Variants in LRP1B observed in about 807,000 individuals in gnomAD.
LRP1B encodes the protein low-density lipoprotein receptor-related protein 1B.
In LRP1B, 217 loss-of-function variants were observed where a neutral mutation model predicts 556.6. The ratio of observed to expected loss-of-function variants is 0.39; its 90% CI spans 0.35 to 0.44. The LOEUF (loss-of-function observed/expected upper bound fraction) is 0.44, where lower values mean the gene tolerates loss of function less well. Ranked by LOEUF, LRP1B falls within the 20% of genes least tolerant of loss-of-function variation. The pLI, the probability that LRP1B is intolerant of heterozygous loss-of-function variation, is 1.00. For missense variants in LRP1B, 5,053 were observed against 5,620.8 expected (o/e 0.90, Z 3.23); for synonymous variants, 2,047 against 1,865.8 (o/e 1.10, Z -2.50).
chr2:141,729,975 A>G (rs1693209849), intron 2 of LRP1B, among the ~76,000 whole-genome samples: 1 of 152,154 alleles, frequency 6.6e-6, no homozygotes, highest in South Asian at 2.1e-4. Context: ...GAGAGTGTGC[A>G]TTAAATCAAA....
intron 80 of LRP1B, 40 bp downstream of exon 80, chr2:140,325,722 C>G (rs1573794594): frequency 7.6e-7 from 1 of 1,318,564 alleles, no homozygotes; most frequent in Middle Eastern, 1.8e-4. Context: ...TTAACACTCT[C>G]AGTAACAATT....
At chr2:141,641,096 T>A (rs1689313973) in intron 2 of LRP1B, among the ~76,000 whole-genome samples, 1 of 152,204 alleles carries the variant, frequency 6.6e-6, no homozygotes, top group African/African-American at 2.4e-5. Context: ...CTATTCCTCA[T>A]TAATTTTCAA....
At chr2:140,872,367 T>C (rs1314907232) in intron 25 of LRP1B, among the ~76,000 whole-genome samples, 1 of 140,640 alleles carries the variant, frequency 7.1e-6, no homozygotes, top group Non-Finnish European at 1.5e-5. Context: ...CTGATTTTTT[T>C]TTTTTTTTTT....
chr2:141,170,222 G>A (rs192785809), intron 7 of LRP1B, among the ~76,000 whole-genome samples: 5 of 152,202 alleles, frequency 3.3e-5, no homozygotes, highest in African/African-American at 1.2e-4. Flanking sequence ...TTGTGCGAGA[G>A]AGTCAGCTAG....
chr2:141,330,747 CTTTTTTTTTT>C (rs530844983), intron 3 of LRP1B, among the ~76,000 whole-genome samples: 1 of 107,860 alleles, frequency 9.3e-6, no homozygotes, highest in Non-Finnish European at 1.9e-5. Flanking sequence ...GGCTAACAAA[CTTTTTTTTTT>C]TTTTTTTTTT....
chr2:141,676,168 T>G (rs1261211184), intron 2 of LRP1B, among the ~76,000 whole-genome samples: 1 of 152,124 alleles, frequency 6.6e-6, no homozygotes, highest in East Asian at 1.9e-4. Flanking sequence ...AATGTGATAT[T>G]ATATTATTCA....
At chr2:141,202,704 G>A (rs745423069) in intron 6 of LRP1B, among the ~76,000 whole-genome samples, 73 of 151,602 alleles carry the variant, frequency 4.8e-4, no homozygotes, top group South Asian at 2.1e-4. Flanking sequence ...TTGGCCACAC[G>A]TTACATCTTT....
chr2:141,397,611 T>C (rs1284613930), intron 3 of LRP1B, among the ~76,000 whole-genome samples: 3 of 151,898 alleles, frequency 2.0e-5, no homozygotes, highest in African/African-American at 7.2e-5. Flanking sequence ...AAGGCACACC[T>C]GGATTTTTTA....
chr2:141,621,451 T>A (rs1306309696), intron 2 of LRP1B, among the ~76,000 whole-genome samples: 1 of 152,182 alleles, frequency 6.6e-6, no homozygotes, highest in Non-Finnish European at 1.5e-5. Context: ...CAAACTTTTA[T>A]CATCAGTGTT....
intron 18 of LRP1B, among the ~76,000 whole-genome samples, chr2:140,976,992 C>T (rs1162665546): frequency 6.6e-6 from 1 of 152,200 alleles, no homozygotes; most frequent in Non-Finnish European, 1.5e-5. Flanking sequence ...AAAGAACAAT[C>T]ATACTTGACT....
chr2:140,305,741 G>T (rs1215653068), intron 83 of LRP1B, among the ~76,000 whole-genome samples: 1 of 152,098 alleles, frequency 6.6e-6, no homozygotes, highest in Non-Finnish European at 1.5e-5. Context: ...GGTTTTCAAA[G>T]GGAATGCTTC....
chr2:141,993,056 G>A (rs1162815581), intron 1 of LRP1B, among the ~76,000 whole-genome samples: 1 of 152,014 alleles, frequency 6.6e-6, no homozygotes, highest in Non-Finnish European at 1.5e-5. Context: ...GTCATGCCAG[G>A]AAAATAAATC....
chr2:141,684,420 AG>A (rs1238159136), intron 2 of LRP1B, among the ~76,000 whole-genome samples: 3 of 152,024 alleles, frequency 2.0e-5, no homozygotes, highest in Admixed American at 1.3e-4. Context: ...ACATAGACAC[AG>A]GGATGGGGAA....
intron 18 of LRP1B, among the ~76,000 whole-genome samples, chr2:140,959,420 T>A (rs1695969453): frequency 6.6e-6 from 1 of 151,554 alleles, no homozygotes; most frequent in Admixed American, 6.6e-5. Context: ...ATCTTCCAAG[T>A]CAAAGAATAA....
chr2:140,691,488 C>CAAAA lies in LRP1B; in HGVS notation c.6799+8758_6799+8761dup, dbSNP rs35775292. ...GGCAACGAGAGCAAAAACTCCACCT[C>CAAAA]AAAAAAAAAAAAAAAAAGTGAAGTA... On this transcript the variant is annotated intron_variant, in intron 41 of 90. Coordinates refer to ENST00000389484, the MANE Select transcript of LRP1B (RefSeq NM_018557.3). Among the ~76,000 whole-genome samples, 1,890 of 92,618 alleles carry CAAAA rather than the reference C, an allele frequency of 0.02. 101 individuals carry two copies. The East Asian group carries it at 0.24, about 12-fold the overall frequency. 60.8% of individuals were successfully genotyped at this position (92,618 alleles called of 152,430 possible).
chr2:140,354,194 T>C (rs1049363262), intron 75 of LRP1B, among the ~76,000 whole-genome samples: 4 of 152,104 alleles, frequency 2.6e-5, no homozygotes, highest in Non-Finnish European at 4.4e-5. Context: ...CTAATAAATC[T>C]GTGAGATAAA....
intron 32 of LRP1B, among the ~76,000 whole-genome samples, chr2:140,785,056 A>G (rs1039560525): frequency 7.2e-5 from 11 of 152,260 alleles, no homozygotes; most frequent in Admixed American, 1.3e-4. Context: ...AGATTCTACA[A>G]GTTTCTAGAG....
At chr2:140,653,840 C>G (rs142497364) in intron 41 of LRP1B, among the ~76,000 whole-genome samples, 4,453 of 151,602 alleles carry the variant, frequency 0.029, 101 homozygotes, top group South Asian at 0.049. Flanking sequence ...GCCTGGCTAA[C>G]ATGGTGATAC....
chr2:140,711,701 C>T (rs1164857221), intron 37 of LRP1B, among the ~76,000 whole-genome samples: 1 of 152,078 alleles, frequency 6.6e-6, no homozygotes, highest in Non-Finnish European at 1.5e-5. Flanking sequence ...AAAATATTTG[C>T]TACAATAGCT....
Sources: gnomAD v4.1 joint callset for allele counts (sites outside exome capture counted in the v4.1 genomes callset) on GRCh38, gnomAD v4.1.1 for gene constraint, MANE v1.5 for transcripts, NCBI Gene and HGNC (gene_info 2026-07-23, HGNC 2026-07-21) for gene names.